The following NAV1 variants were observed in gnomAD, a reference collection of about 807,000 sequenced individuals.
NAV1 encodes pore membrane and/or filament interacting like protein 3.
Under a neutral mutation model 175.2 loss-of-function variants are expected in NAV1, and 18 were observed. The observed-to-expected ratio is 0.10, with a 90% confidence interval of 0.07 to 0.15. The LOEUF is 0.15. Ranked by LOEUF, NAV1 falls within the 10% of genes least tolerant of loss-of-function variation. The pLI, the probability that NAV1 is intolerant of heterozygous loss-of-function variation, is 1.00. For missense variants in NAV1, 1,731 were observed against 2,436.6 expected (o/e 0.71, Z 6.10); for synonymous variants, 897 against 978.7 (o/e 0.92, Z 1.56).
At chr1:201,684,404 G>C (rs1379948501) in intron 1 of NAV1, among the ~76,000 whole-genome samples, 1 of 150,278 alleles carries the variant, frequency 6.7e-6, no homozygotes, top group African/African-American at 2.4e-5. Flanking sequence ...CTAAATATTA[G>C]TTAATACTGA....
chr1:201,546,574 A>G (rs976819650), intron 1 of NAV1, among the ~76,000 whole-genome samples: 2 of 152,210 alleles, frequency 1.3e-5, no homozygotes, highest in Non-Finnish European at 2.9e-5. Flanking sequence ...TGCTCTGTAT[A>G]TAGATCAATC....
chr1:201,560,231 G>T (rs1199309684), intron 1 of NAV1, among the ~76,000 whole-genome samples: 2 of 152,088 alleles, frequency 1.3e-5, no homozygotes, highest in Non-Finnish European at 2.9e-5. Context: ...TTTTTTTCAG[G>T]ATGTAAAACC....
At chr1:201,552,103 C>T (rs1380171583) in intron 1 of NAV1, among the ~76,000 whole-genome samples, 1 of 152,238 alleles carries the variant, frequency 6.6e-6, no homozygotes, top group African/African-American at 2.4e-5. Context: ...GGAATGGCCA[C>T]TGCTGAGCTG....
At chr1:201,777,480 C>T (rs1444979775) in intron 3 of NAV1, among the ~76,000 whole-genome samples, 1 of 151,572 alleles carries the variant, frequency 6.6e-6, no homozygotes, top group Non-Finnish European at 1.5e-5. Context: ...TTTGTAGTGA[C>T]AGAGGTCTTG....
At chr1:201,809,914 T>C in intron 22 of NAV1, 32 bp from the exon 27 acceptor site, 1 of 1,593,372 alleles carries the variant, frequency 6.3e-7, no homozygotes, top group Non-Finnish European at 8.6e-7. Context: ...GTTTGTATAT[T>C]TTCTTCTTCT....
chr1:201,648,280 T>C, exon 1 of NAV1: 1 of 1,075,868 alleles, frequency 9.3e-7, no homozygotes, highest in Non-Finnish European at 1.1e-6. Flanking sequence ...GGCCGCGGGC[T>C]GGGATCCGGA....
chr1:201,686,637 A>G (rs987267400), intron 1 of NAV1, among the ~76,000 whole-genome samples: 3 of 152,154 alleles, frequency 2.0e-5, no homozygotes, highest in African/African-American at 7.2e-5. Flanking sequence ...ATTTGCATCT[A>G]TCTCCTATCC....
chr1:201,733,964 G>A (rs1672978694), intron 3 of NAV1, among the ~76,000 whole-genome samples: 2 of 152,212 alleles, frequency 1.3e-5, no homozygotes, highest in Admixed American at 6.5e-5. Context: ...CAAAGGGTCT[G>A]TCTGGCTACT....
chr1:201,671,370 C>T (rs528148177), intron 1 of NAV1, among the ~76,000 whole-genome samples: 52 of 152,160 alleles, frequency 3.4e-4, no homozygotes, highest in Non-Finnish European at 4.4e-4. Flanking sequence ...GACACCTCCC[C>T]TCCATACCTG....
rs1678777336 is a variant in NAV1, at chr1:201,812,848, A to G, written c.5221+187A>G. On this transcript the variant is annotated intron_variant, in intron 27 of 29. Coordinates refer to ENST00000367296, the Ensembl canonical transcript of NAV1. This position sits in a 1 kb window ranked among gnomAD's most constrained non-coding sequence, Gnocchi z 4.6. ...CAGTTAGCACCACTTCAATCACCAGAAAGCTAACCCCTCTCCTTGTTTTTT... is the reference window on the plus strand; with the variant it reads ...CAGTTAGCACCACTTCAATCACCAGGAAGCTAACCCCTCTCCTTGTTTTTT... 6.6e-6 allele frequency among the ~76,000 whole-genome samples: 1 copy of G among 152,196 alleles called. No individual in the cohort carries two copies. Among genetic ancestry groups the G allele is most frequent in the Admixed American group, 6.5e-5 (1 of 15,278 alleles).
intron 3 of NAV1, among the ~76,000 whole-genome samples, chr1:201,766,472 T>C (rs1359945468): frequency 2.0e-5 from 3 of 152,246 alleles, no homozygotes; most frequent in Non-Finnish European, 2.9e-5. Flanking sequence ...ATGGTCTTGA[T>C]TCATTTTCAA....
chr1:201,655,210 A>G (rs1228336305), intron 1 of NAV1, among the ~76,000 whole-genome samples: 1 of 152,170 alleles, frequency 6.6e-6, no homozygotes, highest in African/African-American at 2.4e-5. Context: ...GGGGACCCAC[A>G]GCACCTGGCT....
chr1:201,790,704 C>A, exon 13 of NAV1: 1 of 1,614,106 alleles, frequency 6.2e-7, no homozygotes, highest in Non-Finnish European at 8.5e-7. Context: ...CCGGAAGCTT[C>A]GTAGGGAACT....
chr1:201,558,635 A>G (rs1666105424), intron 1 of NAV1, among the ~76,000 whole-genome samples: 1 of 152,158 alleles, frequency 6.6e-6, no homozygotes, highest in Non-Finnish European at 1.5e-5. Context: ...TATTTTTGGT[A>G]GAGACGGGGT....
At chr1:201,726,167 C>G (rs1672598471) in intron 3 of NAV1, among the ~76,000 whole-genome samples, 1 of 152,020 alleles carries the variant, frequency 6.6e-6, no homozygotes, top group Non-Finnish European at 1.5e-5. Context: ...TGGGCTAATT[C>G]TGAGATCTGG....
intron 2 of NAV1, among the ~76,000 whole-genome samples, chr1:201,612,667 G>C (rs989767884): frequency 6.6e-6 from 1 of 152,160 alleles, no homozygotes; most frequent in Non-Finnish European, 1.5e-5. Flanking sequence ...CATTCACAAA[G>C]GTGTAGCCCT....
intron 3 of NAV1, among the ~76,000 whole-genome samples, chr1:201,731,353 G>A (rs545446653): frequency 6.6e-6 from 1 of 152,224 alleles, no homozygotes; most frequent in East Asian, 1.9e-4. Flanking sequence ...TGTGCAGGGG[G>A]TGTGCGGCAA....
At chr1:201,793,923 T>G (rs1269607277) in intron 14 of NAV1, 48 bp downstream of exon 18, 1 of 1,487,816 alleles carries the variant, frequency 6.7e-7, no homozygotes. Flanking sequence ...GCGAGGGGGT[T>G]CTCCTGGACA....
chr1:201,809,265 AG>A lies in NAV1; in HGVS notation c.4305+6del, dbSNP rs1354732136. 1 of 1,613,728 alleles carries A rather than the reference AG, an allele frequency of 6.2e-7. No homozygotes were observed. On this transcript the variant is annotated splice_donor_5th_base_variant and intron_variant, in intron 21 of 29. Coordinates refer to ENST00000367296, the Ensembl canonical transcript of NAV1. ...CCCGCAGCACATCATCAAAGGGGTA[AG>A]GAACTTCAGGGAGAGCCACAGTGGG... is the stretch of plus-strand genomic sequence containing the variant.
Sources: allele counts gnomAD v4.1 joint callset (sites outside exome capture counted in the v4.1 genomes callset), GRCh38; gene constraint gnomAD v4.1.1; non-coding constraint Gnocchi (gnomAD v3.1); transcripts MANE v1.5; gene names NCBI Gene and HGNC (gene_info 2026-07-23, HGNC 2026-07-21).